Variants in IL3RA observed in about 807,000 individuals in gnomAD.
IL3RA encodes the protein interleukin 3 receptor subunit alpha, also known as interleukin-3 receptor subunit alpha.
IL3RA carries 73 observed loss-of-function variants against 52.3 expected under a neutral mutation model. That is an observed-to-expected ratio of 1.40 (90% confidence interval 1.16 to 1.70). IL3RA has a LOEUF of 1.70. Ranked by LOEUF, IL3RA falls within the 40% of genes most tolerant of loss-of-function variation. IL3RA has a pLI of 0.00. For synonymous variants in IL3RA, 260 were observed against 194.0 expected, an observed-to-expected ratio of 1.34 and a Z score of -2.83; for missense variants, 664 against 504.4, an observed-to-expected ratio of 1.32 and a Z score of -3.03.
At chrX:1,348,752 T>C (rs2085935222) in intron 4 of IL3RA, among the ~76,000 whole-genome samples, 2 of 145,596 alleles carry the variant, frequency 1.4e-5, no homozygotes, top group African/African-American at 2.5e-5. Flanking sequence ...CTTTCCTTCT[T>C]TCCTCTCTTT....
chrX:1,347,848 C>G (rs1371041921), intron 3 of IL3RA, among the ~76,000 whole-genome samples: 3 of 149,604 alleles, frequency 2.0e-5, no homozygotes, highest in South Asian at 4.2e-4. Flanking sequence ...ACCCTCCTGG[C>G]TAACACGGTG....
chrX:1,348,690 C>CT (rs878975237), intron 4 of IL3RA, 145 bp downstream of exon 4: 14 of 481,736 alleles, frequency 2.9e-5, no homozygotes, highest in East Asian at 1.3e-4. Context: ...TTCTTTCTTT[C>CT]TTTTTCTTTC....
intron 1 of IL3RA, among the ~76,000 whole-genome samples, chrX:1,339,609 T>G (rs1335186686): frequency 6.6e-6 from 1 of 152,056 alleles, no homozygotes; most frequent in South Asian, 2.1e-4. Context: ...CTGACCAACA[T>G]GGTGAAACAC....
At position 1,352,228 on chromosome X, in the gene IL3RA, G is replaced by A. The variant is rs2086123335; in HGVS notation, c.427G>A (p.Ala143Thr). ...CCAGTACGACCTGTACTTGAACGTT[G>A]CCAAGTAGGTGTGCCCGTGGGCAGA... is the stretch of plus-strand genomic sequence containing the variant. The part of the protein sequence containing the change: ...DVQYDLYLNV[A>T]NRRQQYECLH... Residue 143 changes from alanine to threonine, a missense_variant, in exon 5 of 12, where the codon GCC (alanine) becomes ACC (threonine). Physicochemically the swap from Ala to Thr is moderately conservative, Grantham distance 58. Transcript: ENST00000331035. 1.3e-5 allele frequency: 21 copies of A among 1,613,632 alleles called. No homozygotes were observed. In the East Asian group the frequency reaches 4.7e-4, roughly 36 times the overall value.
At position 1,345,304 on chromosome X, in the gene IL3RA, T is replaced by TC; in HGVS notation, c.65-11dup. On this transcript the variant is annotated splice_polypyrimidine_tract_variant and intron_variant, in intron 2 of 11. Transcript: ENST00000331035. ...ACGTATCTCTTCGAACTCCAACCTG[T>TC]CACCGTTTTAGATCCAAACCCACCA... The TC allele has an allele frequency of 6.3e-7, 1 of 1,587,686 alleles. No individual in the cohort carries two copies. The highest frequency in any genetic ancestry group is 2.2e-5 in the East Asian group (1 of 44,690).
intron 4 of IL3RA, among the ~76,000 whole-genome samples, 192 bp from the exon 5 acceptor site, chrX:1,351,908 G>C (rs2086102546): frequency 6.6e-6 from 1 of 152,070 alleles, no homozygotes; most frequent in South Asian, 2.1e-4. Context: ...GGGATCACAG[G>C]CGCGTGCCAC....
At chrX:1,360,850 T>TCTCCCTGTCTCTCTCTTCCTTCCC (rs2087219590) in intron 8 of IL3RA, among the ~76,000 whole-genome samples, 3 of 143,820 alleles carry the variant, frequency 2.1e-5, no homozygotes, top group Non-Finnish European at 4.6e-5. Context: ...TTTCTAGCTC[T>TCTCCCTGTCTCTCTCTTCCTTCCC]CTCCCTGTCT....
intron 9 of IL3RA, among the ~76,000 whole-genome samples, chrX:1,367,718 CGGGGTG>C (rs2088243613): frequency 8.3e-6 from 1 of 119,850 alleles, no homozygotes; most frequent in African/African-American, 3.2e-5. Flanking sequence ...GCGGGGTGAG[CGGGGTG>C]CGCCGGGTGA....
chrX:1,343,054 G>T (rs17886010), intron 2 of IL3RA, among the ~76,000 whole-genome samples: 1 of 151,782 alleles, frequency 6.6e-6, no homozygotes, highest in East Asian at 2.0e-4. Flanking sequence ...CAGCCTGGGC[G>T]ACAGAGTGAG....
chrX:1,347,879 A>C (rs2085826943), intron 3 of IL3RA, among the ~76,000 whole-genome samples: 1 of 150,656 alleles, frequency 6.6e-6, no homozygotes, highest in South Asian at 2.1e-4. Context: ...TCTACTAAAA[A>C]TATAAAAATT....
rs2089232382 is a variant in IL3RA, at chrX:1,382,587, G to A, written c.*122G>A. On this transcript the variant is annotated 3_prime_UTR_variant, in exon 12 of 12. Coordinates refer to ENST00000331035, the MANE Select transcript of IL3RA (RefSeq NM_002183.4). ...GAATGGACATTCCTAACGGGTGGTGGGCATGGGAGATGCCTGTGTAATTTC... is the reference window on the plus strand; with the variant it reads ...GAATGGACATTCCTAACGGGTGGTGAGCATGGGAGATGCCTGTGTAATTTC... The A allele has an allele frequency of 3.5e-6, 3 of 861,440 alleles. No homozygotes were observed. Among genetic ancestry groups the A allele is most frequent in the African/African-American group, 3.3e-5 (2 of 60,200 alleles). The allele number at this position is 861,440 out of a possible 1,614,324, so 53.4% of individuals were successfully genotyped here.
At chrX:1,364,570 G>A (rs139653866) in intron 8 of IL3RA, among the ~76,000 whole-genome samples, 5 of 151,220 alleles carry the variant, frequency 3.3e-5, no homozygotes, top group Admixed American at 6.6e-5. Flanking sequence ...TCCTAAGCTC[G>A]AGGTATCCCC....
At chrX:1,348,658 C>CTTTA (rs1359609219) in intron 4 of IL3RA, 113 bp downstream of exon 4, 23 of 428,368 alleles carry the variant, frequency 5.4e-5, no homozygotes, top group Non-Finnish European at 4.4e-5. Context: ...TTCTTTCTTT[C>CTTTA]TTTCTTTCTT....
In IL3RA at chrX:1,379,507, C is replaced by A. The variant is rs775490315; in HGVS notation, c.980+743C>A. ...GGGGCCAGGTCCTCTCTGCTAGCTG[C>A]CCCCTGCCAGGAGGTCTGTAGAGCC... is the stretch of plus-strand genomic sequence containing the variant. On this transcript the variant is annotated intron_variant, in intron 10 of 11. Transcript: ENST00000331035. 1.2e-4 allele frequency among the ~76,000 whole-genome samples: 19 copies of A among 152,292 alleles called. No homozygotes were observed. In the Middle Eastern group the frequency reaches 0.01, roughly 82 times the overall value.
rs2085446628 is a variant in IL3RA at position 1,340,410 on chromosome X, C to G, written c.-38-1318C>G. ...GGATTACTGGCATGAGCCACTGCAC[C>G]CAGCCGGCAGGGCTTCTTTCAAAAG... On this transcript the variant is annotated intron_variant, in intron 1 of 11. Transcript: ENST00000331035. Among the ~76,000 whole-genome samples, 4 of 152,150 alleles carry G rather than the reference C, an allele frequency of 2.6e-5. No individual in the cohort carries two copies. In the South Asian group the frequency reaches 8.3e-4, roughly 31 times the overall value.
At chrX:1,366,879 A>C (rs1425618759) in intron 9 of IL3RA, among the ~76,000 whole-genome samples, 1 of 15,462 alleles carries the variant, frequency 6.5e-5, no homozygotes, top group Non-Finnish European at 1.1e-4. Context: ...GCGCGGGGTG[A>C]GCGGGGTGCG....
At chrX:1,346,591 A>AG (rs1321202280) in intron 3 of IL3RA, among the ~76,000 whole-genome samples, 2 of 151,950 alleles carry the variant, frequency 1.3e-5, no homozygotes, top group African/African-American at 4.9e-5. Flanking sequence ...TGGGTGACAG[A>AG]GTGAGACTCC....
chrX:1,354,831 G>A (rs1483121114), intron 6 of IL3RA, among the ~76,000 whole-genome samples: 1 of 66,666 alleles, frequency 1.5e-5, no homozygotes, highest in Non-Finnish European at 3.1e-5. Flanking sequence ...AGGAGAGAGG[G>A]AGGAGAATGG....
At chrX:1,356,158 G>T in intron 6 of IL3RA, 63 bp from the exon 7 acceptor site, 6 of 1,080,660 alleles carry the variant, frequency 5.6e-6, no homozygotes, top group Non-Finnish European at 8.3e-6. Context: ...AAAAAAAAGA[G>T]AAAAAGAAAA....
Sources: allele counts gnomAD v4.1 joint callset (sites outside exome capture counted in the v4.1 genomes callset), GRCh38; gene constraint gnomAD v4.1.1; transcripts MANE v1.5; gene names NCBI Gene and HGNC (gene_info 2026-07-23, HGNC 2026-07-21).